Variants in RTL4 observed in about 807,000 individuals in gnomAD.
RTL4 encodes retrotransposon Gag like 4.
Under a neutral mutation model 5.3 loss-of-function variants are expected in RTL4, and 4 were observed. The observed-to-expected ratio is 0.75, with a 90% CI of 0.37 to 1.72. The LOEUF is 1.72. Ranked by LOEUF, RTL4 falls within the 40% of genes most tolerant of loss-of-function variation. The pLI is 0.04. For synonymous variants in RTL4, 98 were observed against 87.3 expected (o/e 1.12, Z -0.68); for missense variants, 260 against 227.1 (o/e 1.14, Z -0.93).
chrX:112,158,310 A>G, the RTL4 span, among the ~76,000 whole-genome samples: 2 of 111,728 alleles, frequency 1.8e-5, no homozygotes, highest in South Asian at 3.7e-4. Flanking sequence ...ATGTAATAGT[A>G]GTTTTTACTG....
At chrX:112,366,790 GAA>G in the RTL4 span, among the ~76,000 whole-genome samples, 1 of 111,994 alleles carries the variant, frequency 8.9e-6, no homozygotes, top group Non-Finnish European at 1.9e-5. Context: ...TACTTGATAA[GAA>G]AGAGTAAATA....
At chrX:112,303,015 G>A in the RTL4 span, among the ~76,000 whole-genome samples, 3 of 111,884 alleles carry the variant, frequency 2.7e-5, no homozygotes, top group Non-Finnish European at 3.8e-5. Flanking sequence ...GGCTCCCGAT[G>A]CCTTGTGCAT....
At chrX:112,440,965 G>A in the RTL4 span, among the ~76,000 whole-genome samples, 1 of 98,087 alleles carries the variant, frequency 1.0e-5, no homozygotes, top group East Asian at 3.3e-4. Flanking sequence ...TTGTACTAAA[G>A]CATTAGGAAT....
At chrX:112,325,945 C>G in the RTL4 span, among the ~76,000 whole-genome samples, 1 of 111,808 alleles carries the variant, frequency 8.9e-6, no homozygotes, top group Non-Finnish European at 1.9e-5. Flanking sequence ...GAACTCAACA[C>G]ATTTACAAGA....
the RTL4 span, among the ~76,000 whole-genome samples, chrX:112,128,862 C>G: frequency 9.0e-6 from 1 of 111,027 alleles, no homozygotes; most frequent in Non-Finnish European, 1.9e-5. Context: ...AGTCTTCTGT[C>G]TTCTGTGCAT....
the RTL4 span, among the ~76,000 whole-genome samples, chrX:112,275,585 C>T: frequency 0.035 from 3,899 of 110,974 alleles, 166 homozygotes; most frequent in African/African-American, 0.12. Context: ...GAGGAGAAAA[C>T]GAGTATCAGT....
chrX:112,371,490 C>G, the RTL4 span, among the ~76,000 whole-genome samples: 1 of 111,499 alleles, frequency 9.0e-6, no homozygotes, highest in African/African-American at 3.3e-5. Flanking sequence ...TTTCTCTTCT[C>G]AAAGTTAATT....
chrX:112,141,561 C>A, the RTL4 span, among the ~76,000 whole-genome samples: 1 of 111,264 alleles, frequency 9.0e-6, no homozygotes, highest in African/African-American at 3.3e-5. Flanking sequence ...CAACTCTGTC[C>A]CCTCTAATTC....
the RTL4 span, among the ~76,000 whole-genome samples, chrX:112,324,226 C>A: frequency 8.9e-6 from 1 of 112,508 alleles, no homozygotes; most frequent in South Asian, 3.6e-4. Flanking sequence ...AGTGTGTTTT[C>A]AAGGTCCATC....
the RTL4 span, among the ~76,000 whole-genome samples, chrX:112,439,198 A>G: frequency 9.0e-6 from 1 of 111,490 alleles, no homozygotes; most frequent in Non-Finnish European, 1.9e-5. Context: ...GAGGTAGGGT[A>G]TATGGGGAGC....
At chrX:112,097,373 A>C in the RTL4 span, among the ~76,000 whole-genome samples, 1 of 111,478 alleles carries the variant, frequency 9.0e-6, no homozygotes, top group African/African-American at 3.3e-5. Context: ...TGGTGGCTCA[A>C]GCCTGTAACC....
At chrX:112,419,337 C>CTTTTTTTTTTTTTTTTTTTTTTTTT in the RTL4 span, among the ~76,000 whole-genome samples, 1 of 24,375 alleles carries the variant, frequency 4.1e-5, no homozygotes, top group Non-Finnish European at 6.5e-5. Flanking sequence ...TTCCATTCAG[C>CTTTTTTTTTTTTTTTTTTTTTTTTT]TTTTTTTTTT....
the RTL4 span, among the ~76,000 whole-genome samples, chrX:112,318,744 C>T: frequency 1.4e-4 from 16 of 110,969 alleles, no homozygotes; most frequent in South Asian, 7.7e-4. Context: ...TCAACACCCC[C>T]CACCCCAATT....
the RTL4 span, among the ~76,000 whole-genome samples, chrX:112,124,433 A>G: frequency 8.9e-6 from 1 of 111,955 alleles, no homozygotes; most frequent in Non-Finnish European, 1.9e-5. Flanking sequence ...ACGCCCATCA[A>G]TGATAGACTG....
the RTL4 span, among the ~76,000 whole-genome samples, chrX:112,190,402 G>C: frequency 2.5e-3 from 271 of 110,350 alleles, 1 homozygote; most frequent in African/African-American, 8.6e-3. Flanking sequence ...CAGTAGAAAG[G>C]CCACATGGGA....
At chrX:112,358,319 G>A in the RTL4 span, among the ~76,000 whole-genome samples, 1 of 107,774 alleles carries the variant, frequency 9.3e-6, no homozygotes, top group Admixed American at 1.0e-4. Context: ...ATGTTGGTCA[G>A]GCTGGTCTCC....
the RTL4 span, among the ~76,000 whole-genome samples, chrX:112,162,781 C>G: frequency 9.0e-6 from 1 of 111,642 alleles, no homozygotes; most frequent in African/African-American, 3.3e-5. Flanking sequence ...TCAGGTATTC[C>G]TACTGTGGAT....
chrX:112,150,917 T>C, the RTL4 span, among the ~76,000 whole-genome samples: 2 of 112,242 alleles, frequency 1.8e-5, no homozygotes, highest in Admixed American at 9.4e-5. Context: ...AGAAAAGCAC[T>C]GTTTGTTTCT....
the RTL4 span, among the ~76,000 whole-genome samples, chrX:112,207,945 C>T: frequency 9.0e-6 from 1 of 110,721 alleles, no homozygotes; most frequent in Non-Finnish European, 1.9e-5. Context: ...TAGTAATGGA[C>T]ACCAGAGACC....
Sources: allele counts gnomAD v4.1 joint callset (sites outside exome capture counted in the v4.1 genomes callset), GRCh38; gene constraint gnomAD v4.1.1; transcripts MANE v1.5; gene names NCBI Gene and HGNC (gene_info 2026-07-23, HGNC 2026-07-21).